Variants in COL22A1 observed in about 807,000 individuals in gnomAD.
COL22A1 encodes collagen type XXII alpha 1 chain.
COL22A1 carries 221 observed loss-of-function variants against 248.9 expected under a neutral mutation model. The ratio of observed to expected loss-of-function variants is 0.89; its 90% CI spans 0.80 to 0.99. COL22A1 has a LOEUF of 0.99. Ranked by LOEUF, COL22A1 falls within the 50% of genes least tolerant of loss-of-function variation. The pLI is 0.00. For synonymous variants in COL22A1, 891 were observed against 793.4 expected (o/e 1.12, Z -2.07); for missense variants, 2,240 against 2,179.0 (o/e 1.03, Z -0.56).
chr8:138,787,647 T>A (rs1815655510), intron 12 of COL22A1, among the ~76,000 whole-genome samples: 2 of 152,282 alleles, frequency 1.3e-5, no homozygotes, highest in Middle Eastern at 3.4e-3. Flanking sequence ...ATGGATGAGA[T>A]TCACTGCAGA....
At chr8:138,908,778 T>C (rs1266395969) in intron 1 of COL22A1, among the ~76,000 whole-genome samples, 4 of 152,158 alleles carry the variant, frequency 2.6e-5, no homozygotes, top group African/African-American at 7.2e-5. Context: ...AAATCTATCA[T>C]AGGCAAAAAG....
At chr8:138,716,914 A>G (rs1200081517) in intron 27 of COL22A1, 45 bp from the exon 28 acceptor site, 1 of 1,445,938 alleles carries the variant, frequency 6.9e-7, no homozygotes, top group African/African-American at 1.4e-5. Flanking sequence ...CATTCACTTT[A>G]AAGAGATGAC....
chr8:138,663,349 T>C (rs1373489686), intron 42 of COL22A1, among the ~76,000 whole-genome samples: 2 of 152,204 alleles, frequency 1.3e-5, no homozygotes, highest in Non-Finnish European at 2.9e-5. Flanking sequence ...CCATGTTGGC[T>C]CACTGCTGTG....
At chr8:138,773,808 AC>A (rs748293339) in intron 16 of COL22A1, among the ~76,000 whole-genome samples, 9 of 152,112 alleles carry the variant, frequency 5.9e-5, no homozygotes, top group Non-Finnish European at 1.2e-4. Context: ...CCAGCGTGTG[AC>A]CCCCACATGC....
At chr8:138,619,432 C>G (rs75542671) in intron 53 of COL22A1, 23 bp downstream of exon 53, 5 of 1,611,652 alleles carry the variant, frequency 3.1e-6, no homozygotes, top group Admixed American at 1.7e-5. Context: ...TTCTACCGTT[C>G]CCCACACACA....
At chr8:138,615,143 G>A (rs1050559192) in intron 55 of COL22A1, among the ~76,000 whole-genome samples, 1 of 152,222 alleles carries the variant, frequency 6.6e-6, no homozygotes, top group African/African-American at 2.4e-5. Flanking sequence ...CTCCAGGCAA[G>A]CTATTCCTGC....
In COL22A1 at chr8:138,694,841, G is replaced by A; in HGVS notation, c.2631C>T (p.Gly877=). 6.2e-7 allele frequency: 1 copy of A among 1,614,060 alleles called. No individual in the cohort carries two copies. Among genetic ancestry groups the A allele is most frequent in the Non-Finnish European group, 8.5e-7 (1 of 1,179,972 alleles). ...QGPKGEKGDP[G]LPGEPGLQGR... ...AGAGACTCACCGGTTCCCCAGGCAG[G>A]CCTGGATCGCCCTTCTCTCCTTTGG... Residue 877 remains glycine, a synonymous_variant, in exon 33 of 65, where the codon GGC becomes GGT. Transcript: ENST00000303045.
intron 16 of COL22A1, among the ~76,000 whole-genome samples, chr8:138,771,913 G>A (rs913711488): frequency 6.6e-6 from 1 of 152,142 alleles, no homozygotes; most frequent in African/African-American, 2.4e-5. Flanking sequence ...CTCACCCGAA[G>A]CCCCCGCAGC....
intron 23 of COL22A1, among the ~76,000 whole-genome samples, chr8:138,735,714 C>T (rs1563686390): frequency 1.3e-5 from 2 of 152,232 alleles, no homozygotes. Context: ...TATGATGGAT[C>T]GTATATTCTT....
intron 22 of COL22A1, among the ~76,000 whole-genome samples, chr8:138,739,765 T>A (rs1444338903): frequency 1.3e-5 from 2 of 152,112 alleles, no homozygotes; most frequent in Non-Finnish European, 1.5e-5. Flanking sequence ...AAAAGTGATA[T>A]CAGGGAGGAA....
intron 31 of COL22A1, among the ~76,000 whole-genome samples, chr8:138,701,344 T>G (rs944140045): frequency 3.3e-5 from 5 of 152,162 alleles, no homozygotes; most frequent in African/African-American, 1.2e-4. Context: ...TGCAGATGCC[T>G]GGGTCCCAGC....
intron 27 of COL22A1, among the ~76,000 whole-genome samples, chr8:138,718,429 A>C (rs184632886): frequency 8.5e-5 from 13 of 152,230 alleles, no homozygotes; most frequent in Non-Finnish European, 1.8e-4. Flanking sequence ...ATTGAAGACC[A>C]TCTGAAGTCC....
At chr8:138,911,176 A>G (rs1432539847) in intron 1 of COL22A1, among the ~76,000 whole-genome samples, 3 of 152,164 alleles carry the variant, frequency 2.0e-5, no homozygotes, top group Non-Finnish European at 4.4e-5. Context: ...TGTCTTTGGA[A>G]AGGTCTTCCA....
At chr8:138,639,051 G>T (rs928462309) in intron 47 of COL22A1, among the ~76,000 whole-genome samples, 10 of 152,128 alleles carry the variant, frequency 6.6e-5, no homozygotes, top group Non-Finnish European at 1.5e-4. Context: ...CTCTGCCAAG[G>T]CTTCCCACAT....
intron 59 of COL22A1, 135 bp downstream of exon 59, chr8:138,604,599 T>G: frequency 1.3e-6 from 1 of 759,398 alleles, no homozygotes; most frequent in Non-Finnish European, 2.2e-6. Context: ...CAAAAGGCAT[T>G]AAGAATTTCA....
At chr8:138,779,691 C>A in intron 13 of COL22A1, 129 bp from the exon 14 acceptor site, 1 of 651,268 alleles carries the variant, frequency 1.5e-6, no homozygotes, top group South Asian at 1.8e-5. Context: ...AAGGTAGCCA[C>A]CAGTGAGCAG....
At chr8:138,733,545 G>C (rs950773295) in intron 23 of COL22A1, among the ~76,000 whole-genome samples, 1 of 152,222 alleles carries the variant, frequency 6.6e-6, no homozygotes, top group Non-Finnish European at 1.5e-5. Flanking sequence ...AAGCTAAAGA[G>C]AATGCTTGGC....
At chr8:138,772,787 C>T (rs571611273) in intron 16 of COL22A1, among the ~76,000 whole-genome samples, 34 of 152,192 alleles carry the variant, frequency 2.2e-4, no homozygotes, top group Non-Finnish European at 1.2e-4. Context: ...TGCTTGGACC[C>T]GGGAGGTGGA....
intron 16 of COL22A1, among the ~76,000 whole-genome samples, chr8:138,763,046 G>A (rs2131402070): frequency 6.6e-6 from 1 of 152,192 alleles, no homozygotes; most frequent in East Asian, 1.9e-4. Flanking sequence ...TTACCCTGGG[G>A]ATGATAATAA....
Sources: gnomAD v4.1 joint callset for allele counts (sites outside exome capture counted in the v4.1 genomes callset) on GRCh38, gnomAD v4.1.1 for gene constraint, MANE v1.5 for transcripts, NCBI Gene and HGNC (gene_info 2026-07-23, HGNC 2026-07-21) for gene names.